The following GRID2 variants were observed in gnomAD, a reference collection of about 807,000 sequenced individuals.
GRID2 encodes glutamate ionotropic receptor delta type subunit 2.
In GRID2, 33 loss-of-function variants were observed where a neutral mutation model predicts 114.8. The ratio of observed to expected loss-of-function variants is 0.29; its 90% CI spans 0.22 to 0.38. GRID2 has a LOEUF of 0.38. GRID2 is among the 10% of genes least tolerant of loss of function. The pLI is 1.00. For missense variants in GRID2, 1,184 were observed against 1,257.7 expected, an observed-to-expected ratio of 0.94 and a Z score of 0.89; for synonymous variants, 505 against 449.9, an observed-to-expected ratio of 1.12 and a Z score of -1.55.
At chr4:93,045,063 AG>A (rs1725997425) in intron 2 of GRID2, among the ~76,000 whole-genome samples, 1 of 152,120 alleles carries the variant, frequency 6.6e-6, no homozygotes, top group South Asian at 2.1e-4. Flanking sequence ...TAGGCCATGA[AG>A]ATAGATGAAC....
At chr4:93,506,657 T>C (rs1728660092) in intron 12 of GRID2, among the ~76,000 whole-genome samples, 1 of 152,172 alleles carries the variant, frequency 6.6e-6, no homozygotes, top group South Asian at 2.1e-4. Flanking sequence ...GCATTCCACA[T>C]GGAGGTGCCC....
chr4:92,944,475 C>T (rs1751451517), intron 2 of GRID2, among the ~76,000 whole-genome samples: 3 of 152,220 alleles, frequency 2.0e-5, no homozygotes, highest in Admixed American at 6.5e-5. Context: ...CGTCTGTCAC[C>T]CCTTTCTTTG....
intron 2 of GRID2, among the ~76,000 whole-genome samples, chr4:92,621,032 TCAGATCAGAGCTGAGATTTTTTTC>T (rs569177871): frequency 2.5e-4 from 38 of 150,458 alleles, no homozygotes; most frequent in African/African-American, 8.8e-4. Flanking sequence ...CCAGGCATTC[TCAGATCAGAGCTGAGATTTTTTTC>T]TGACTTTTAA....
intron 2 of GRID2, among the ~76,000 whole-genome samples, chr4:92,917,729 A>C (rs889222224): frequency 1.3e-5 from 2 of 152,178 alleles, no homozygotes; most frequent in Non-Finnish European, 2.9e-5. Flanking sequence ...TGGTACCAGT[A>C]CCATGCTGTT....
intron 2 of GRID2, among the ~76,000 whole-genome samples, chr4:92,599,028 C>CTTTTTT (rs79836874): frequency 2.0e-4 from 23 of 115,258 alleles, no homozygotes; most frequent in East Asian, 7.4e-4. Context: ...AATGCTTTTC[C>CTTTTTT]TTTTTTTTTT....
chr4:92,605,941 C>G (rs1007946451), intron 2 of GRID2, among the ~76,000 whole-genome samples: 42 of 146,846 alleles, frequency 2.9e-4, no homozygotes, highest in African/African-American at 8.9e-4. Context: ...TTTACTGGAC[C>G]CTTTTTAGAT....
intron 2 of GRID2, among the ~76,000 whole-genome samples, chr4:93,042,562 G>A (rs1188508738): frequency 7.0e-6 from 1 of 143,550 alleles, no homozygotes; most frequent in African/African-American, 2.6e-5. Flanking sequence ...CTATAAGACT[G>A]TAGCCTATTG....
At chr4:93,226,745 C>T (rs751931062) in intron 7 of GRID2, among the ~76,000 whole-genome samples, 11 of 152,174 alleles carry the variant, frequency 7.2e-5, no homozygotes, top group East Asian at 1.9e-4. Flanking sequence ...TGTCTTAGTA[C>T]GGGCTCTCTG....
intron 6 of GRID2, among the ~76,000 whole-genome samples, chr4:93,223,800 G>A (rs1745165479): frequency 6.6e-6 from 1 of 151,978 alleles, no homozygotes; most frequent in Non-Finnish European, 1.5e-5. Context: ...TGAAAAATAA[G>A]CACCTTTGGT....
chr4:93,091,768 G>T (rs2149329932), intron 3 of GRID2, among the ~76,000 whole-genome samples: 1 of 152,194 alleles, frequency 6.6e-6, no homozygotes, highest in Non-Finnish European at 1.5e-5. Flanking sequence ...CTCACAAAGT[G>T]CTCATTATCC....
chr4:93,057,929 C>T (rs1050350287), intron 2 of GRID2, among the ~76,000 whole-genome samples: 4 of 151,872 alleles, frequency 2.6e-5, no homozygotes, highest in South Asian at 2.1e-4. Context: ...TCATTCCCCT[C>T]CATTTTTAGG....
chr4:93,777,797 G>A (rs1734395766), downstream of GRID2, among the ~76,000 whole-genome samples: 1 of 152,128 alleles, frequency 6.6e-6, no homozygotes, highest in Admixed American at 6.5e-5. Flanking sequence ...GACAAACATT[G>A]CTTTTAATAA....
intron 1 of GRID2, among the ~76,000 whole-genome samples, chr4:93,795,110 A>G (rs1365719801): frequency 6.6e-6 from 1 of 152,188 alleles, no homozygotes; most frequent in Non-Finnish European, 1.5e-5. Context: ...AAGAGATACA[A>G]TGAGCAGAAT....
rs1053918811 is a variant in GRID2 at position 93,114,720 on chromosome 4, T to C, written c.735+3767T>C. 3.3e-5 allele frequency among the ~76,000 whole-genome samples: 5 copies of C among 152,038 alleles called. No individual in the cohort carries two copies. In the South Asian group the frequency reaches 1.0e-3, roughly 32 times the overall value. On this transcript the variant is annotated intron_variant, in intron 4 of 15. Transcript: ENST00000282020. ...GGGTTCTAGGATTGTTTCTTTTGAGTAGGGAATAGGCTGACCCTATTAGTG... is the reference window on the plus strand; with the variant it reads ...GGGTTCTAGGATTGTTTCTTTTGAGCAGGGAATAGGCTGACCCTATTAGTG...
Position 92,613,991 on chromosome 4 carries a change from G to T in GRID2, c.244+23705G>T, listed in dbSNP as rs1447394734. On this transcript the variant is annotated intron_variant, in intron 2 of 15. Transcript: ENST00000282020. ...TATAATATATAGTGATTATATCAGG[G>T]TTATTATCATATCCATCACTTCAAA... Among the ~76,000 whole-genome samples, 6 of 151,396 alleles carry T rather than the reference G, an allele frequency of 4.0e-5. No individual in the cohort carries two copies. The South Asian group carries it at 1.0e-3, about 26-fold the overall frequency.
chr4:92,457,643 A>G (rs1225902865), intron 1 of GRID2, among the ~76,000 whole-genome samples: 1 of 152,166 alleles, frequency 6.6e-6, no homozygotes, highest in Non-Finnish European at 1.5e-5. Context: ...ATTGTACAGC[A>G]TCACCTATGG....
chr4:92,316,469 C>G (rs1016334306), intron 1 of GRID2, among the ~76,000 whole-genome samples: 2 of 152,024 alleles, frequency 1.3e-5, no homozygotes, highest in Admixed American at 1.3e-4. Flanking sequence ...ATCTCATATT[C>G]CATTTGCAGA....
intron 1 of GRID2, among the ~76,000 whole-genome samples, chr4:92,466,418 A>G (rs552740459): frequency 7.9e-5 from 12 of 151,852 alleles, no homozygotes; most frequent in African/African-American, 2.9e-4. Flanking sequence ...TCTGCTTCTA[A>G]TCTCTACGTC....
intron 2 of GRID2, among the ~76,000 whole-genome samples, chr4:92,924,968 A>C (rs1749689690): frequency 6.6e-6 from 1 of 152,062 alleles, no homozygotes; most frequent in Non-Finnish European, 1.5e-5. Flanking sequence ...CCTGAGATCC[A>C]TCACTTAAAA....
Sources: allele counts gnomAD v4.1 joint callset (sites outside exome capture counted in the v4.1 genomes callset), GRCh38; gene constraint gnomAD v4.1.1; transcripts MANE v1.5; gene names NCBI Gene and HGNC (gene_info 2026-07-23, HGNC 2026-07-21).